Variants in TBC1D22A observed in about 807,000 individuals in gnomAD.
TBC1D22A encodes the protein putative GTPase activator.
A neutral mutation model predicts 60.2 loss-of-function variants in TBC1D22A; 38 were observed. That is an observed-to-expected ratio of 0.63 (90% CI 0.49 to 0.83). The LOEUF is 0.83. TBC1D22A is among the 40% of genes least tolerant of loss of function. The probability of loss-of-function intolerance (pLI) is 0.00; values close to 1 mark genes in which losing one functional copy is unlikely to be tolerated. For synonymous variants in TBC1D22A, 302 were observed against 281.7 expected (o/e 1.07, Z -0.72); for missense variants, 628 against 701.0 (o/e 0.90, Z 1.18).
intron 8 of TBC1D22A, among the ~76,000 whole-genome samples, chr22:46,955,293 C>T (rs892796461): frequency 1.3e-4 from 20 of 152,298 alleles, no homozygotes; most frequent in Admixed American, 7.8e-4. Flanking sequence ...ATTAAAAGTA[C>T]GCTAACGATG....
chr22:46,839,902 GA>G (rs1435598748), intron 4 of TBC1D22A, among the ~76,000 whole-genome samples: 3 of 152,168 alleles, frequency 2.0e-5, no homozygotes, highest in Admixed American at 6.5e-5. Context: ...CCATACATGA[GA>G]ATGAAATTCG....
chr22:46,891,382 C>T lies in TBC1D22A; in HGVS notation c.825C>T (p.Asp275=). ...CTAGGAACGACGAAGTTCACCAGGA[C>T]ACATACAGGCAGGTGGGAATCCTTT... ...YDSRNDEVHQ[D]TYRQIHIDIP... is the part of the protein sequence containing the mutation. The change falls in exon 6 of 13, where the codon GAC becomes GAT. Residue 275 remains aspartate, a synonymous_variant. Transcript: ENST00000337137. 1 of 1,607,436 alleles carries T rather than the reference C, an allele frequency of 6.2e-7. No individual in the cohort carries two copies. The highest frequency in any genetic ancestry group is 8.5e-7 in the Non-Finnish European group (1 of 1,178,080).
chr22:46,936,154 A>T (rs559362795), intron 8 of TBC1D22A, among the ~76,000 whole-genome samples: 3 of 152,176 alleles, frequency 2.0e-5, no homozygotes, highest in Non-Finnish European at 4.4e-5. Context: ...TCACCTTGAC[A>T]CTCATGGTTC....
At chr22:46,941,735 G>A (rs969001066) in intron 8 of TBC1D22A, among the ~76,000 whole-genome samples, 1 of 145,150 alleles carries the variant, frequency 6.9e-6, no homozygotes, top group Non-Finnish European at 1.5e-5. Context: ...ATGTATATAC[G>A]GAATATATAT....
intron 10 of TBC1D22A, among the ~76,000 whole-genome samples, chr22:47,016,085 C>T (rs1351463112): frequency 6.6e-6 from 1 of 152,220 alleles, no homozygotes; most frequent in Non-Finnish European, 1.5e-5. Context: ...CTGGTTCTGT[C>T]CCGGCACGCT....
At chr22:47,168,374 A>C (rs1316673469) in intron 12 of TBC1D22A, among the ~76,000 whole-genome samples, 2 of 146,364 alleles carry the variant, frequency 1.4e-5, no homozygotes, top group Non-Finnish European at 3.0e-5. Context: ...GACCTGTTGA[A>C]GTAGTAGGTG....
At chr22:46,776,204 CAG>C (rs1296431157) in intron 1 of TBC1D22A, among the ~76,000 whole-genome samples, 1 of 152,200 alleles carries the variant, frequency 6.6e-6, no homozygotes, top group Non-Finnish European at 1.5e-5. Context: ...GTTCTGTAGT[CAG>C]GGGCTGGGAC....
chr22:46,989,836 T>C (rs557652740), intron 9 of TBC1D22A, among the ~76,000 whole-genome samples: 5 of 152,186 alleles, frequency 3.3e-5, no homozygotes, highest in African/African-American at 1.2e-4. Flanking sequence ...AGAGTCTCAC[T>C]GTGTTGCCCG....
At chr22:46,973,536 C>T (rs972216450) in intron 8 of TBC1D22A, among the ~76,000 whole-genome samples, 12 of 151,954 alleles carry the variant, frequency 7.9e-5, no homozygotes, top group Non-Finnish European at 1.6e-4. Context: ...GTTTTCCTTG[C>T]GAAGATGCCA....
chr22:46,998,162 G>A (rs1344934567), intron 10 of TBC1D22A, among the ~76,000 whole-genome samples: 1 of 152,002 alleles, frequency 6.6e-6, no homozygotes, highest in African/African-American at 2.4e-5. Flanking sequence ...ATGTGCTCAG[G>A]CAATTTTAGA....
rs562818569 is a variant in TBC1D22A, at chr22:47,110,607, T to A, written c.1330-901T>A. Among the ~76,000 whole-genome samples, 5 of 152,362 alleles carry A rather than the reference T, an allele frequency of 3.3e-5. No homozygotes were observed. The East Asian group carries it at 9.6e-4, about 29-fold the overall frequency. The stretch of plus-strand genomic sequence containing the variant: ...CACACACAAACCCCCTTGCTGTTCC[T>A]CGTCCCAGTCTTTGCCTTGTTTTCT... On this transcript the variant is annotated intron_variant, in intron 11 of 12. Transcript: ENST00000337137.
intron 10 of TBC1D22A, among the ~76,000 whole-genome samples, chr22:47,027,349 A>G (rs572144991): frequency 3.9e-5 from 6 of 152,096 alleles, no homozygotes; most frequent in East Asian, 1.9e-4. Flanking sequence ...TTTTATTTCT[A>G]TAGGTTTTTG....
intron 12 of TBC1D22A, among the ~76,000 whole-genome samples, chr22:47,153,579 CAAGGGA>C (rs2067591411): frequency 6.6e-6 from 1 of 151,802 alleles, no homozygotes; most frequent in African/African-American, 2.4e-5. Flanking sequence ...GGTGGACGGG[CAAGGGA>C]AAAGGGAGGA....
chr22:46,841,585 G>C (rs1044022095), intron 4 of TBC1D22A, among the ~76,000 whole-genome samples: 2 of 152,190 alleles, frequency 1.3e-5, no homozygotes, highest in African/African-American at 4.8e-5. Flanking sequence ...CATGGAATTA[G>C]CCAGACCCAG....
chr22:47,033,552 T>TC (rs1418981592), intron 10 of TBC1D22A, among the ~76,000 whole-genome samples: 1 of 152,094 alleles, frequency 6.6e-6, no homozygotes, highest in East Asian at 1.9e-4. Flanking sequence ...CCTGACCAGC[T>TC]CACACCCCAG....
intron 1 of TBC1D22A, among the ~76,000 whole-genome samples, chr22:46,785,906 A>G (rs181791551): frequency 3.3e-5 from 5 of 152,148 alleles, no homozygotes; most frequent in East Asian, 1.9e-4. Context: ...TCAGCCTGCC[A>G]TGTAGCTGGG....
chr22:46,894,710 C>T (rs1306981213), intron 6 of TBC1D22A, 74 bp from the exon 7 acceptor site: 1 of 1,563,736 alleles, frequency 6.4e-7, no homozygotes, highest in Non-Finnish European at 8.8e-7. Context: ...CTCAGTATTG[C>T]TGTTTTAATC....
chr22:46,942,515 A>G (rs761964204), intron 8 of TBC1D22A, among the ~76,000 whole-genome samples: 12 of 152,190 alleles, frequency 7.9e-5, no homozygotes, highest in Admixed American at 4.6e-4. Flanking sequence ...TAAGAATTGT[A>G]TAGTATTCAA....
chr22:47,171,510 C>T (rs968018403), intron 12 of TBC1D22A, among the ~76,000 whole-genome samples: 3 of 152,190 alleles, frequency 2.0e-5, no homozygotes, highest in African/African-American at 7.2e-5. Context: ...AGGGAGTCTG[C>T]CCAGCTTCAT....
Sources: allele counts gnomAD v4.1 joint callset (sites outside exome capture counted in the v4.1 genomes callset), GRCh38; gene constraint gnomAD v4.1.1; transcripts MANE v1.5; gene names NCBI Gene and HGNC (gene_info 2026-07-23, HGNC 2026-07-21).